Variants in SUN1 observed in about 807,000 individuals in gnomAD.
The protein encoded by SUN1 is Sad1 and UNC84 domain containing 1.
Under a neutral mutation model 103.2 loss-of-function variants are expected in SUN1, and 61 were observed. The ratio of observed to expected loss-of-function variants is 0.59; its 90% confidence interval spans 0.48 to 0.73. The LOEUF (loss-of-function observed/expected upper bound fraction) is 0.73. Among genes scored for constraint, SUN1 ranks in the 30% least tolerant of loss-of-function variants. The probability of loss-of-function intolerance (pLI) is 0.00; values close to 1 mark genes in which losing one functional copy is unlikely to be tolerated. For missense variants in SUN1, 1,052 were observed against 1,034.6 expected (o/e 1.02, Z -0.23); for synonymous variants, 490 against 425.7 (o/e 1.15, Z -1.86).
upstream of SUN1, among the ~76,000 whole-genome samples, chr7:831,526 T>A (rs922990927): frequency 6.6e-6 from 1 of 152,188 alleles, no homozygotes. Flanking sequence ...CACCTCGGCC[T>A]CCCAAAGTGC....
chr7:826,302 C>CCCGGTCTGGGGTGGTTTGACAACT (rs1199962233), intron 1 of SUN1, among the ~76,000 whole-genome samples: 1 of 151,544 alleles, frequency 6.6e-6, no homozygotes, highest in Middle Eastern at 3.2e-3. Context: ...GTTTGACAAC[C>CCCGGTCTGGGGTGGTTTGACAACT]CTGGTCTGGG....
At chr7:869,253 A>G (rs1346356360) in intron 16 of SUN1, 96 bp from the exon 17 acceptor site, 1 of 1,447,494 alleles carries the variant, frequency 6.9e-7, no homozygotes, top group Non-Finnish European at 9.2e-7. Flanking sequence ...TGTAAAACTT[A>G]TTTTTATCTC....
intron 10 of SUN1, 47 bp downstream of exon 10, chr7:853,665 T>C (rs751384403): frequency 3.8e-6 from 6 of 1,573,252 alleles, no homozygotes; most frequent in African/African-American, 1.3e-5. Flanking sequence ...CCAACGCGCT[T>C]CTGGGTGCCA....
chr7:831,579 T>G (rs1286221742), upstream of SUN1, among the ~76,000 whole-genome samples: 1 of 152,228 alleles, frequency 6.6e-6, no homozygotes, highest in Non-Finnish European at 1.5e-5. Flanking sequence ...CGAAACATGT[T>G]TTAAAATGCA....
intron 1 of SUN1, among the ~76,000 whole-genome samples, chr7:822,964 A>G (rs1319829540): frequency 1.3e-5 from 2 of 151,452 alleles, no homozygotes; most frequent in Non-Finnish European, 2.9e-5. Context: ...GAATTCCCAC[A>G]CACACACGGC....
chr7:870,892 T>C (rs1458922865), intron 17 of SUN1, among the ~76,000 whole-genome samples: 11 of 113,360 alleles, frequency 9.7e-5, no homozygotes, highest in African/African-American at 2.5e-4. Context: ...TCTTTCTTTT[T>C]TTTTTTTTTT....
At chr7:841,886 G>A (rs912635938) in intron 2 of SUN1, 60 bp from the exon 3 acceptor site, 1 of 1,555,046 alleles carries the variant, frequency 6.4e-7, no homozygotes, top group Non-Finnish European at 8.8e-7. Flanking sequence ...TTGGTCAAAT[G>A]TAATCATTTT....
In SUN1 at chr7:860,396, T is replaced by G. The variant is rs986633710; in HGVS notation, c.1779+14T>G. On this transcript the variant is annotated intron_variant, in intron 14 of 18. Coordinates refer to ENST00000401592, the MANE Select transcript of SUN1 (RefSeq NM_001130965.3). ...ATAACAGAGGCGGTGAGTCGGCGAG[T>G]CGGCGGCAAGAGATGCTTACAGTCC... 1 of 1,609,402 alleles carries G rather than the reference T, an allele frequency of 6.2e-7. No homozygotes were observed. Among genetic ancestry groups the G allele is most frequent in the Non-Finnish European group, 8.5e-7 (1 of 1,177,098 alleles).
intron 14 of SUN1, 132 bp from the exon 15 acceptor site, chr7:861,248 C>T: frequency 1.2e-6 from 1 of 864,916 alleles, no homozygotes. Context: ...TCTGCCATGC[C>T]TAGGAACCCT....
chr7:841,138 G>A (rs964872210), intron 2 of SUN1, among the ~76,000 whole-genome samples: 3 of 151,524 alleles, frequency 2.0e-5, no homozygotes, highest in Admixed American at 6.6e-5. Context: ...TCTCCATGTT[G>A]GTCAGGCTGG....
chr7:846,327 T>C (rs1815702049), intron 5 of SUN1, among the ~76,000 whole-genome samples: 1 of 152,172 alleles, frequency 6.6e-6, no homozygotes, highest in Non-Finnish European at 1.5e-5. Context: ...CAGGCTGGTC[T>C]TGAACTCCTG....
At position 843,504 on chromosome 7, in the gene SUN1, G is replaced by A. The variant is rs751018417; in HGVS notation, c.642G>A (p.Arg214=). Residue 214 remains arginine, a synonymous_variant, in exon 5 of 19, where the codon AGG becomes AGA. Coordinates refer to ENST00000401592, the MANE Select transcript of SUN1 (RefSeq NM_001130965.3). ...APGPVSRVYS[R]DRNQKCYFLL... is the part of the protein sequence containing the mutation. Reference sequence around the variant, plus strand: ...GGCCCGTGTCGAGAGTTTATTCTAGGGACAGGAATCAAAAATGTAAGTCTC... The same window carrying A: ...GGCCCGTGTCGAGAGTTTATTCTAGAGACAGGAATCAAAAATGTAAGTCTC... The A allele has an allele frequency of 1.2e-6, 2 of 1,614,004 alleles. No individual in the cohort carries two copies. Among genetic ancestry groups the A allele is most frequent in the Non-Finnish European group, 1.7e-6 (2 of 1,179,922 alleles).
intron 15 of SUN1, among the ~76,000 whole-genome samples, chr7:863,373 T>TTCACCAGCGCCAGGGCCCC (rs1168207098): frequency 2.0e-5 from 3 of 152,128 alleles, no homozygotes; most frequent in Non-Finnish European, 2.9e-5. Flanking sequence ...CTGCCCGGGG[T>TTCACCAGCGCCAGGGCCCC]TGTGTGCTGC....
At chr7:818,552 A>G (rs1476723398) in intron 1 of SUN1, among the ~76,000 whole-genome samples, 1 of 152,220 alleles carries the variant, frequency 6.6e-6, no homozygotes, top group Non-Finnish European at 1.5e-5. Context: ...CTTTGGTTAT[A>G]TACCAAGGAA....
chr7:819,064 T>C (rs894050084), intron 1 of SUN1, among the ~76,000 whole-genome samples: 3 of 152,104 alleles, frequency 2.0e-5, no homozygotes, highest in African/African-American at 4.8e-5. Flanking sequence ...GGTTTCTCCA[T>C]GTTGGTCAGG....
intron 2 of SUN1, among the ~76,000 whole-genome samples, chr7:841,244 ATTTT>A (rs370665607): frequency 8.3e-6 from 1 of 120,122 alleles, no homozygotes; most frequent in Non-Finnish European, 1.7e-5. Flanking sequence ...ATGACCACCT[ATTTT>A]TTTTTTTTTT....
intron 5 of SUN1, chr7:849,494 C>A (rs1303833189): frequency 7.4e-7 from 1 of 1,354,850 alleles, no homozygotes; most frequent in South Asian, 1.1e-5. Context: ...GGTGAGTTCC[C>A]TAAGCCTCTT....
intron 5 of SUN1, among the ~76,000 whole-genome samples, chr7:846,270 G>A (rs1416096608): frequency 6.6e-6 from 1 of 151,582 alleles, no homozygotes; most frequent in African/African-American, 2.4e-5. Context: ...TACCATGCCC[G>A]GCTAATTTTT....
At chr7:820,058 C>A (rs1047577291) in intron 1 of SUN1, among the ~76,000 whole-genome samples, 2 of 152,136 alleles carry the variant, frequency 1.3e-5, no homozygotes, top group Non-Finnish European at 2.9e-5. Flanking sequence ...CTATTTGGGA[C>A]CCATTGCAGT....
Sources: allele counts gnomAD v4.1 joint callset (sites outside exome capture counted in the v4.1 genomes callset), GRCh38; gene constraint gnomAD v4.1.1; transcripts MANE v1.5; gene names NCBI Gene and HGNC (gene_info 2026-07-23, HGNC 2026-07-21).